The following CCDC171 variants were observed in gnomAD, a reference collection of about 807,000 sequenced individuals.
CCDC171 encodes coiled-coil domain-containing protein 171.
Under a neutral mutation model 168.2 loss-of-function variants are expected in CCDC171, and 177 were observed. The observed-to-expected ratio is 1.05, with a 90% confidence interval of 0.93 to 1.19. CCDC171 has a LOEUF of 1.19. CCDC171 is among the 50% of genes most tolerant of loss of function. The pLI is 0.00. For missense variants in CCDC171, 1,991 were observed against 1,539.0 expected, an observed-to-expected ratio of 1.29 and a Z score of -4.91; for synonymous variants, 687 against 540.8, an observed-to-expected ratio of 1.27 and a Z score of -3.75.
chr9:16,108,421 T>G, the CCDC171 span, among the ~76,000 whole-genome samples: 2 of 152,220 alleles, frequency 1.3e-5, no homozygotes, highest in Admixed American at 6.5e-5. Flanking sequence ...AGAAAAAAAT[T>G]AGTGACCTAA....
intron 21 of CCDC171, among the ~76,000 whole-genome samples, chr9:15,839,314 G>A (rs1402538819): frequency 1.3e-5 from 2 of 152,086 alleles, no homozygotes; most frequent in East Asian, 3.9e-4. Context: ...TGATAAATAA[G>A]AGAAATATTG....
At chr9:15,621,676 T>C (rs1277461911) in intron 6 of CCDC171, among the ~76,000 whole-genome samples, 3 of 152,210 alleles carry the variant, frequency 2.0e-5, no homozygotes, top group Admixed American at 6.5e-5. Context: ...TATGCATTAT[T>C]GGCAGGAATG....
At chr9:15,817,963 C>G (rs2059622303) in intron 21 of CCDC171, among the ~76,000 whole-genome samples, 1 of 117,138 alleles carries the variant, frequency 8.5e-6, no homozygotes, top group South Asian at 2.8e-4. Flanking sequence ...CAGACTGACA[C>G]CTCACACGGC....
At chr9:16,021,836 G>C (rs765531018) in intron 4 of CCDC171, among the ~76,000 whole-genome samples, 4 of 152,212 alleles carry the variant, frequency 2.6e-5, no homozygotes. Context: ...GATGGTGCAG[G>C]ATCTGTTAGC....
intron 16 of CCDC171, among the ~76,000 whole-genome samples, chr9:15,731,097 A>G (rs1170792366): frequency 6.6e-6 from 1 of 152,042 alleles, no homozygotes; most frequent in Non-Finnish European, 1.5e-5. Flanking sequence ...TCTTCTTGCT[A>G]TTGTGAAATA....
chr9:15,564,520 C>G (rs2039568449), intron 2 of CCDC171, among the ~76,000 whole-genome samples: 1 of 152,242 alleles, frequency 6.6e-6, no homozygotes, highest in Non-Finnish European at 1.5e-5. Context: ...ATGGCTACTG[C>G]TTAAGCATTC....
intron 25 of CCDC171, among the ~76,000 whole-genome samples, chr9:15,934,703 A>G (rs1253940448): frequency 6.6e-6 from 1 of 152,092 alleles, no homozygotes; most frequent in Non-Finnish European, 1.5e-5. Context: ...ATACTTGTAT[A>G]CAAATGTCTA....
At chr9:15,576,826 T>A (rs1270628628) in intron 3 of CCDC171, among the ~76,000 whole-genome samples, 1 of 152,172 alleles carries the variant, frequency 6.6e-6, no homozygotes, top group Admixed American at 6.5e-5. Flanking sequence ...CATTTTTCCT[T>A]CTGTAGCATA....
chr9:15,646,005 G>A (rs551037212), intron 7 of CCDC171, among the ~76,000 whole-genome samples: 3 of 152,228 alleles, frequency 2.0e-5, no homozygotes, highest in East Asian at 3.9e-4. Flanking sequence ...GAGAAAGGTC[G>A]GGTTACCCAC....
intron 1 of CCDC171, among the ~76,000 whole-genome samples, chr9:16,049,847 A>C (rs951181426): frequency 1.3e-5 from 2 of 152,124 alleles, no homozygotes; most frequent in Non-Finnish European, 1.5e-5. Context: ...TGACTAATAT[A>C]GATTTGATAT....
intron 6 of CCDC171, among the ~76,000 whole-genome samples, chr9:15,596,320 T>C (rs1389178034): frequency 5.9e-5 from 9 of 152,070 alleles, no homozygotes; most frequent in Non-Finnish European, 8.8e-5. Context: ...TTAATTTTTG[T>C]ATAAGGTGTA....
intron 9 of CCDC171, among the ~76,000 whole-genome samples, chr9:15,672,456 G>A (rs1430198716): frequency 6.6e-6 from 1 of 152,106 alleles, no homozygotes; most frequent in East Asian, 1.9e-4. Flanking sequence ...TTTTGCATAG[G>A]TTTTCTTCTA....
chr9:16,085,523 C>T, the CCDC171 span, among the ~76,000 whole-genome samples: 1 of 152,206 alleles, frequency 6.6e-6, no homozygotes, highest in African/African-American at 2.4e-5. Flanking sequence ...AGTGACTGAA[C>T]ACAGGTCTGC....
At chr9:15,719,892 C>T (rs897556982) in intron 11 of CCDC171, among the ~76,000 whole-genome samples, 10 of 151,802 alleles carry the variant, frequency 6.6e-5, no homozygotes, top group Non-Finnish European at 1.3e-4. Flanking sequence ...TCATCTTGTG[C>T]AAGAGAGGAG....
intron 7 of CCDC171, among the ~76,000 whole-genome samples, chr9:15,631,154 C>T (rs2045653827): frequency 6.6e-6 from 1 of 151,784 alleles, no homozygotes; most frequent in African/African-American, 2.4e-5. Context: ...TAGCAGAAGG[C>T]AAGAAATAAC....
At chr9:15,749,894 A>G (rs2055597156) in intron 18 of CCDC171, among the ~76,000 whole-genome samples, 1 of 152,294 alleles carries the variant, frequency 6.6e-6, no homozygotes, top group East Asian at 1.9e-4. Context: ...CAACACCCTA[A>G]CATCACAATT....
At chr9:16,029,118 G>A (rs978224038) in intron 6 of CCDC171, among the ~76,000 whole-genome samples, 4 of 152,084 alleles carry the variant, frequency 2.6e-5, no homozygotes, top group Admixed American at 2.0e-4. Flanking sequence ...TTTTAGACGT[G>A]GAATAGGAAG....
At chr9:15,803,369 T>C (rs1384913395) in intron 21 of CCDC171, among the ~76,000 whole-genome samples, 2 of 152,118 alleles carry the variant, frequency 1.3e-5, no homozygotes, top group Non-Finnish European at 2.9e-5. Context: ...TAGTTTTTTT[T>C]CTAGGGTTTT....
At chr9:15,956,689 A>T (rs1829828263) in intron 25 of CCDC171, among the ~76,000 whole-genome samples, 1 of 152,168 alleles carries the variant, frequency 6.6e-6, no homozygotes, top group African/African-American at 2.4e-5. Context: ...TTTCTTAGCC[A>T]AACATATATT....
Sources: allele counts gnomAD v4.1 joint callset (sites outside exome capture counted in the v4.1 genomes callset), GRCh38; gene constraint gnomAD v4.1.1; transcripts MANE v1.5; gene names NCBI Gene and HGNC (gene_info 2026-07-23, HGNC 2026-07-21).